ENTREP1: variants seen among roughly 807,000 people sequenced by gnomAD.
The protein encoded by ENTREP1 is endosomal transmembrane epsin interactor 1.
chr9:69,383,764 T>C, the ENTREP1 span: 1 of 1,614,154 alleles, frequency 6.2e-7, no homozygotes, highest in Non-Finnish European at 8.5e-7. Context: ...GAGCAGGTAC[T>C]GTCTGTCCTG....
chr9:69,392,137 GTC>G, the ENTREP1 span: 1 of 332,932 alleles, frequency 3.0e-6, no homozygotes, highest in Non-Finnish European at 5.6e-6. Flanking sequence ...CACCCCTCGT[GTC>G]TCTCTTTGTT....
chr9:69,360,252 T>C, the ENTREP1 span, among the ~76,000 whole-genome samples: 1 of 152,178 alleles, frequency 6.6e-6, no homozygotes, highest in African/African-American at 2.4e-5. Flanking sequence ...AATTTTCAGT[T>C]CCTTGTCCCA....
At chr9:69,357,414 A>G in the ENTREP1 span, among the ~76,000 whole-genome samples, 1 of 152,208 alleles carries the variant, frequency 6.6e-6, no homozygotes, top group Non-Finnish European at 1.5e-5. Context: ...AACACTTTAT[A>G]AAAAGAAAAT....
the ENTREP1 span, among the ~76,000 whole-genome samples, chr9:69,362,486 T>A: frequency 2.6e-5 from 4 of 152,210 alleles, no homozygotes; most frequent in Non-Finnish European, 4.4e-5. Flanking sequence ...TAATTCGTTT[T>A]GCATAAAGGC....
chr9:69,383,157 T>G, the ENTREP1 span: 1 of 976,720 alleles, frequency 1.0e-6, no homozygotes, highest in Non-Finnish European at 1.2e-6. Flanking sequence ...CTTAGCTGTT[T>G]TTTAAATAGA....
chr9:69,361,581 T>C, the ENTREP1 span, among the ~76,000 whole-genome samples: 1 of 152,260 alleles, frequency 6.6e-6, no homozygotes, highest in Non-Finnish European at 1.5e-5. Context: ...TTATGGCATG[T>C]GCTATGAGCA....
chr9:69,360,131 G>A, the ENTREP1 span, among the ~76,000 whole-genome samples: 4 of 152,236 alleles, frequency 2.6e-5, no homozygotes, highest in East Asian at 1.9e-4. Flanking sequence ...ATCTCACTCC[G>A]AGTTCATGTT....
At chr9:69,377,477 C>G in the ENTREP1 span, 4 of 1,611,422 alleles carry the variant, frequency 2.5e-6, no homozygotes, top group South Asian at 1.1e-5. Flanking sequence ...GATCCTGCAT[C>G]GTAAGTCTAT....
At chr9:69,377,070 G>A in the ENTREP1 span, among the ~76,000 whole-genome samples, 1 of 152,166 alleles carries the variant, frequency 6.6e-6, no homozygotes, top group Non-Finnish European at 1.5e-5. Flanking sequence ...AATGTTTCTC[G>A]ACAGTATTCT....
chr9:69,355,510 T>C, the ENTREP1 span, among the ~76,000 whole-genome samples: 1 of 152,338 alleles, frequency 6.6e-6, no homozygotes, highest in South Asian at 2.1e-4. Context: ...TCATATAGTC[T>C]GGCTTTCATT....
chr9:69,377,553 T>C, the ENTREP1 span: 2 of 1,612,306 alleles, frequency 1.2e-6, no homozygotes, highest in Non-Finnish European at 1.7e-6. Flanking sequence ...ATCCACTGCC[T>C]CTCTCCCCGT....
the ENTREP1 span, among the ~76,000 whole-genome samples, chr9:69,340,697 GTGTGTGTGTA>G: frequency 2.7e-5 from 3 of 110,642 alleles, no homozygotes; most frequent in African/African-American, 3.9e-5. Context: ...GTGTGTGTAT[GTGTGTGTGTA>G]TGTGTGTGTG....
At chr9:69,374,602 C>CT in the ENTREP1 span, among the ~76,000 whole-genome samples, 1 of 152,098 alleles carries the variant, frequency 6.6e-6, no homozygotes, top group Non-Finnish European at 1.5e-5. Flanking sequence ...TGCTGTCACT[C>CT]TAATTTGTAG....
chr9:69,383,917 A>G, the ENTREP1 span: 2 of 1,604,348 alleles, frequency 1.2e-6, no homozygotes, highest in South Asian at 2.2e-5. Flanking sequence ...AAACATCAAC[A>G]AAATAACCCT....
At chr9:69,335,311 G>A in the ENTREP1 span, among the ~76,000 whole-genome samples, 1 of 152,218 alleles carries the variant, frequency 6.6e-6, no homozygotes, top group Non-Finnish European at 1.5e-5. Context: ...AAAAAGAAAT[G>A]TGTGCAGAGG....
At chr9:69,360,423 A>G in the ENTREP1 span, among the ~76,000 whole-genome samples, 1 of 152,182 alleles carries the variant, frequency 6.6e-6, no homozygotes, top group Non-Finnish European at 1.5e-5. Flanking sequence ...TTTTGGTCAG[A>G]GCAATTTTCA....
the ENTREP1 span, chr9:69,386,080 T>C: frequency 1.4e-6 from 1 of 701,056 alleles, no homozygotes. Flanking sequence ...TATGAGGTCT[T>C]GGGAAAGTAA....
At chr9:69,392,004 T>C in the ENTREP1 span, 3 of 599,260 alleles carry the variant, frequency 5.0e-6, no homozygotes, top group African/African-American at 5.6e-5. Flanking sequence ...GGGTTTGGGA[T>C]GCACTGAGTT....
At chr9:69,373,776 T>A in the ENTREP1 span, among the ~76,000 whole-genome samples, 1 of 152,188 alleles carries the variant, frequency 6.6e-6, no homozygotes, top group East Asian at 1.9e-4. Context: ...TATTACAAAT[T>A]CAACCATTTT....
Sources: gnomAD v4.1 joint callset for allele counts (sites outside exome capture counted in the v4.1 genomes callset) on GRCh38, gnomAD v4.1.1 for gene constraint, MANE v1.5 for transcripts, NCBI Gene and HGNC (gene_info 2026-07-23, HGNC 2026-07-21) for gene names.